PDZRN3: variants seen among roughly 807,000 people sequenced by gnomAD.
PDZRN3 encodes the protein PDZ domain containing ring finger 3.
A neutral mutation model predicts 85.7 loss-of-function variants in PDZRN3; 38 were observed. The ratio of observed to expected loss-of-function variants is 0.44; its 90% CI spans 0.34 to 0.58. The LOEUF is 0.58. Among genes scored for constraint, PDZRN3 ranks in the 20% least tolerant of loss-of-function variants. The probability of loss-of-function intolerance (pLI) is 0.01; values close to 1 mark genes in which losing one functional copy is unlikely to be tolerated. For synonymous variants in PDZRN3, 759 were observed against 638.0 expected (o/e 1.19, Z -2.86); for missense variants, 1,629 against 1,506.4 (o/e 1.08, Z -1.35).
In PDZRN3 at chr3:73,384,211, G is replaced by A. The variant is rs759246688; in HGVS notation, c.2355C>T (p.Gly785=). 2 of 1,613,848 alleles carry A rather than the reference G, an allele frequency of 1.2e-6. No homozygotes were observed. The highest frequency in any genetic ancestry group is 1.1e-5 in the South Asian group (1 of 91,086). The part of the protein sequence containing the change: ...PDNSLRRAAE[G]ISCPSSEGAV... Reference sequence around the variant, plus strand: ...CCCCTTCGCTGCTCGGGCAGCTGATGCCCTCCGCCGCTCTCCTCAAGGAGT... The same window carrying A: ...CCCCTTCGCTGCTCGGGCAGCTGATACCCTCCGCCGCTCTCCTCAAGGAGT... Residue 785 remains glycine, a synonymous_variant, in exon 10 of 10, where the codon GGC becomes GGT. Transcript: ENST00000263666.
At position 73,610,203 on chromosome 3, in the gene PDZRN3, T is replaced by A. The variant is rs77360239; in HGVS notation, c.724-1519A>T. The stretch of plus-strand genomic sequence containing the variant: ...TCTGATGAAAGAACTAGGTGTCCTA[T>A]AAGGACAACACAGCATTCATTTCTT... On this transcript the variant is annotated intron_variant, in intron 1 of 9. Coordinates refer to ENST00000263666, the MANE Select transcript of PDZRN3 (RefSeq NM_015009.3). Among the ~76,000 whole-genome samples, 1,369 of 152,304 alleles carry A rather than the reference T, an allele frequency of 9.0e-3. 22 individuals carry two copies. Among genetic ancestry groups the A allele is most frequent in the African/African-American group, 0.032 (1,310 of 41,564 alleles).
intron 3 of PDZRN3, among the ~76,000 whole-genome samples, chr3:73,493,807 T>C (rs1399385631): frequency 3.3e-5 from 5 of 152,224 alleles, no homozygotes; most frequent in African/African-American, 1.2e-4. Flanking sequence ...CCTATGATTT[T>C]TGCTAGAATT....
chr3:73,490,382 T>C (rs948600948), intron 3 of PDZRN3, among the ~76,000 whole-genome samples: 30 of 152,340 alleles, frequency 2.0e-4, no homozygotes, highest in Middle Eastern at 3.4e-3. Context: ...AGGATTCTTA[T>C]TGATAATGTA....
intron 3 of PDZRN3, among the ~76,000 whole-genome samples, chr3:73,481,816 T>G (rs1192692928): frequency 6.6e-6 from 1 of 152,200 alleles, no homozygotes; most frequent in African/African-American, 2.4e-5. Context: ...TCAACGATTA[T>G]TCAATCATTT....
At chr3:73,590,698 T>C (rs906143567) in intron 3 of PDZRN3, among the ~76,000 whole-genome samples, 2 of 152,242 alleles carry the variant, frequency 1.3e-5, no homozygotes, top group Admixed American at 6.5e-5. Context: ...CTTGATTCTC[T>C]TGCTTCTACA....
chr3:73,558,567 C>G (rs1701749604), intron 3 of PDZRN3, among the ~76,000 whole-genome samples: 1 of 152,190 alleles, frequency 6.6e-6, no homozygotes, highest in Admixed American at 6.5e-5. Context: ...TGTGAATGAG[C>G]AAACTCCCCT....
chr3:73,614,613 C>T (rs1355704431), intron 1 of PDZRN3, among the ~76,000 whole-genome samples: 3 of 152,126 alleles, frequency 2.0e-5, no homozygotes, highest in Non-Finnish European at 4.4e-5. Flanking sequence ...GCAAAGTTCA[C>T]AAAGACTCAC....
chr3:73,389,195 A>C (rs144359337), intron 7 of PDZRN3, among the ~76,000 whole-genome samples: 1 of 152,242 alleles, frequency 6.6e-6, no homozygotes, highest in Admixed American at 6.5e-5. Flanking sequence ...GGACACAATG[A>C]AGCCAAGAAT....
chr3:73,512,545 C>T (rs924937833), intron 3 of PDZRN3, among the ~76,000 whole-genome samples: 7 of 150,448 alleles, frequency 4.7e-5, no homozygotes, highest in Admixed American at 2.6e-4. Flanking sequence ...TTTTTTTTTC[C>T]GGGGAGAAGG....
chr3:73,418,143 A>G (rs1702128946), intron 3 of PDZRN3, among the ~76,000 whole-genome samples: 2 of 152,240 alleles, frequency 1.3e-5, no homozygotes, highest in Non-Finnish European at 2.9e-5. Context: ...TCACAGGCAC[A>G]GAAGGGCTTT....
chr3:73,450,669 A>G (rs1228597791), intron 3 of PDZRN3, among the ~76,000 whole-genome samples: 2 of 152,228 alleles, frequency 1.3e-5, no homozygotes, highest in East Asian at 3.8e-4. Flanking sequence ...TTTAGGGTAC[A>G]AGTTTAAATT....
chr3:73,488,432 T>C (rs1453792227), intron 3 of PDZRN3, among the ~76,000 whole-genome samples: 2 of 152,220 alleles, frequency 1.3e-5, no homozygotes, highest in East Asian at 1.9e-4. Flanking sequence ...AGCCAGGTTC[T>C]TTCCTACCAC....
At chr3:73,500,579 C>T (rs902068391) in intron 3 of PDZRN3, among the ~76,000 whole-genome samples, 5 of 152,166 alleles carry the variant, frequency 3.3e-5, no homozygotes, top group African/African-American at 1.2e-4. Flanking sequence ...AAAACACAGC[C>T]TTAACATGCT....
At chr3:73,452,541 G>C (rs1032628469) in intron 3 of PDZRN3, among the ~76,000 whole-genome samples, 1 of 152,152 alleles carries the variant, frequency 6.6e-6, no homozygotes, top group African/African-American at 2.4e-5. Context: ...CTTTCACAGG[G>C]AACAAGATGT....
intron 3 of PDZRN3, among the ~76,000 whole-genome samples, chr3:73,601,317 T>C (rs1412223215): frequency 2.0e-5 from 3 of 152,178 alleles, no homozygotes; most frequent in African/African-American, 4.8e-5. Context: ...CACTCAGTCC[T>C]AAATTTTGAA....
intron 3 of PDZRN3, chr3:73,569,444 A>G: frequency 8.8e-7 from 1 of 1,138,462 alleles, no homozygotes; most frequent in Non-Finnish European, 1.1e-6. Context: ...ACGTTCTCTT[A>G]AGCCCCGAGG....
At chr3:73,601,091 G>C (rs79230026) in intron 3 of PDZRN3, among the ~76,000 whole-genome samples, 9 of 152,292 alleles carry the variant, frequency 5.9e-5, no homozygotes, top group African/African-American at 1.9e-4. Flanking sequence ...AACTAGTTCA[G>C]TTTGCTTTCC....
intron 3 of PDZRN3, among the ~76,000 whole-genome samples, chr3:73,529,567 T>C (rs1260077524): frequency 6.6e-6 from 1 of 152,240 alleles, no homozygotes; most frequent in Non-Finnish European, 1.5e-5. Flanking sequence ...AGCCAGCAAG[T>C]ACTGGCTTTC....
intron 3 of PDZRN3, among the ~76,000 whole-genome samples, chr3:73,514,459 T>A (rs1420712946): frequency 1.2e-4 from 18 of 152,216 alleles, no homozygotes; most frequent in Non-Finnish European, 4.4e-5. Flanking sequence ...AGGAGAGTGA[T>A]ACTTAGGGTT....
Sources: gnomAD v4.1 joint callset for allele counts (sites outside exome capture counted in the v4.1 genomes callset) on GRCh38, gnomAD v4.1.1 for gene constraint, MANE v1.5 for transcripts, NCBI Gene and HGNC (gene_info 2026-07-23, HGNC 2026-07-21) for gene names.